POLG: variants seen among roughly 807,000 people sequenced by gnomAD.
POLG encodes DNA polymerase subunit gamma-1.
In POLG, 110 loss-of-function variants were observed where a neutral mutation model predicts 155.4. The observed-to-expected ratio is 0.71, with a 90% CI of 0.61 to 0.83. POLG has a LOEUF of 0.83. Among genes scored for constraint, POLG ranks in the 40% least tolerant of loss-of-function variants. The pLI is 0.00. For synonymous variants in POLG, 701 were observed against 631.5 expected, an observed-to-expected ratio of 1.11 and a Z score of -1.65; for missense variants, 1,685 against 1,627.5, an observed-to-expected ratio of 1.04 and a Z score of -0.61.
At position 89,318,696 on chromosome 15, in the gene POLG, T is replaced by G. The variant is rs2152058767; in HGVS notation, c.3327A>C (p.Leu1109Phe). 2 of 1,614,190 alleles carry G rather than the reference T, an allele frequency of 1.2e-6. No homozygotes were observed. Among genetic ancestry groups the G allele is most frequent in the Non-Finnish European group, 1.7e-6 (2 of 1,180,016 alleles). The change falls in exon 21 of 23, where the codon TTA becomes TTC. Residue 1109 changes from leucine (L) to phenylalanine (F), a missense_variant. Physicochemically the swap from Leu to Phe is conservative, Grantham distance 22. Around this residue, in one of 3 missense-constraint regions of POLG, gnomAD observed 470 missense variants for 439.9 expected, o/e 1.07. Coordinates refer to ENST00000268124, the MANE Select transcript of POLG (RefSeq NM_002693.3). Reference sequence around the variant, plus strand: ...ACTTCATGGCCACAAGCATGAGGTGTAAGTAGTCAACAGCAGAGCTCTGTA... The same window carrying G: ...ACTTCATGGCCACAAGCATGAGGTGGAAGTAGTCAACAGCAGAGCTCTGTA... Reference protein sequence around the residue: ...WVVQSSAVDYLHLMLVAMKWL... With the variant: ...WVVQSSAVDYFHLMLVAMKWL...
chr15:89,319,002 C>T lies in POLG; in HGVS notation c.3202G>A (p.Asp1068Asn), dbSNP rs762334425. The T allele has an allele frequency of 3.1e-6, 5 of 1,614,038 alleles. No individual in the cohort carries two copies. The highest frequency in any genetic ancestry group is 4.2e-6 in the Non-Finnish European group (5 of 1,180,038). ...CCCAGCACCGGGGTACGTGGTATGTCAGACGTAGCAATGCTCTCAAGCTTA... is the reference window on the plus strand; with the variant it reads ...CCCAGCACCGGGGTACGTGGTATGTTAGACGTAGCAATGCTCTCAAGCTTA... ...FNKLESIATSDIPRTPVLGCC... is the reference protein window; with the variant it reads ...FNKLESIATSNIPRTPVLGCC... Residue 1068 changes from aspartate to asparagine, a missense_variant, in exon 20 of 23, where the codon GAC becomes AAC. Physicochemically the swap from Asp to Asn is conservative, Grantham distance 23 (BLOSUM62 1). Transcript: ENST00000268124.
chr15:89,329,697 TTC>T (rs2055569778), intron 3 of POLG, among the ~76,000 whole-genome samples: 1 of 152,166 alleles, frequency 6.6e-6, no homozygotes, highest in South Asian at 2.1e-4. Flanking sequence ...CCTATGAGAT[TTC>T]TGTTATGTCT....
chr15:89,326,908 C>T lies in POLG; in HGVS notation c.1585+4G>A. 1 of 1,614,084 alleles carries T rather than the reference C, an allele frequency of 6.2e-7. No individual in the cohort carries two copies. Among genetic ancestry groups the T allele is most frequent in the Non-Finnish European group, 8.5e-7 (1 of 1,180,000 alleles). ...CTACCCTACCTCCCACCCATGCTCC[C>T]CACCTTCCTGATCCATGGGATCACC... On this transcript the variant is annotated splice_donor_region_variant and intron_variant, in intron 8 of 22. Transcript: ENST00000268124.
At chr15:89,327,377 T>C (rs772282616) in intron 6 of POLG, 28 bp from the exon 7 acceptor site, 35 of 1,609,142 alleles carry the variant, frequency 2.2e-5, no homozygotes, top group Non-Finnish European at 2.6e-5. Context: ...GGAGCTGCCA[T>C]AAATGACCAC....
chr15:89,333,446 G>C lies in POLG; in HGVS notation c.309C>G (p.Ser103Arg). The change falls in exon 2 of 23, where the codon AGC becomes AGG. Residue 103 changes from serine to arginine, a missense_variant. Physicochemically the swap from Ser to Arg is moderately radical, Grantham distance 110. Coordinates refer to ENST00000268124, the MANE Select transcript of POLG (RefSeq NM_002693.3). ...EMPGEAAVRRSVEHLQKHGLW... is the reference protein window; with the variant it reads ...EMPGEAAVRRRVEHLQKHGLW... Reference sequence around the variant, plus strand: ...GCCCGTGCTTCTGCAGGTGCTCGACGCTGCGGCGCACCGCGGCCTCGCCAG... The same window carrying C: ...GCCCGTGCTTCTGCAGGTGCTCGACCCTGCGGCGCACCGCGGCCTCGCCAG... 1 of 1,610,116 alleles carries C rather than the reference G, an allele frequency of 6.2e-7. No individual in the cohort carries two copies. Among genetic ancestry groups the C allele is most frequent in the Non-Finnish European group, 8.5e-7 (1 of 1,179,682 alleles).
rs376322125 is a variant in POLG at position 89,329,889 on chromosome 15, C to T, written c.855+192G>A. ...ACTTTGTGACAACTTAGGTCCTATACCAGGCTTTCCCGGGGACATACAACA... is the reference window on the plus strand; with the variant it reads ...ACTTTGTGACAACTTAGGTCCTATATCAGGCTTTCCCGGGGACATACAACA... On this transcript the variant is annotated intron_variant, in intron 3 of 22. Coordinates refer to ENST00000268124, the MANE Select transcript of POLG (RefSeq NM_002693.3). Among the ~76,000 whole-genome samples the T allele has an allele frequency of 1.1e-4, 17 of 152,272 alleles. No individual in the cohort carries two copies. In the East Asian group the frequency reaches 2.9e-3, roughly 26 times the overall value.
chr15:89,325,045 T>TGAGAGAGTGAGA (rs1266416756), intron 10 of POLG, among the ~76,000 whole-genome samples: 1 of 114,630 alleles, frequency 8.7e-6, no homozygotes, highest in African/African-American at 5.7e-5. Flanking sequence ...AGAGAGTGAG[T>TGAGAGAGTGAGA]GAGTGAGTGA....
chr15:89,325,762 T>A (rs1596357223), intron 9 of POLG, 76 bp from the exon 10 acceptor site: 2 of 1,140,712 alleles, frequency 1.8e-6, no homozygotes, highest in East Asian at 4.7e-5. Flanking sequence ...TCTCTCACAA[T>A]GTCCCCACCC....
Position 89,318,667 on chromosome 15 carries a change from A to G in POLG, c.3356T>C (p.Leu1119Pro), listed in dbSNP as rs2152058721. ...LHLMLVAMKW[L>P]FEEFAIDGRF... ...CCCATCTATGGCAAACTCTTCAAAC[A>G]GCCACTTCATGGCCACAAGCATGAG... Residue 1119 changes from leucine to proline, a missense_variant, in exon 21 of 23, where the codon CTG becomes CCG. This residue lies in a region of POLG where 470 missense variants were observed against 439.9 expected (regional missense o/e 1.07). Transcript: ENST00000268124. The G allele has an allele frequency of 1.2e-6, 2 of 1,614,234 alleles. No homozygotes were observed. The highest frequency in any genetic ancestry group is 2.2e-5 in the East Asian group (1 of 44,894).
At chr15:89,322,066 T>G in intron 14 of POLG, 51 bp from the exon 15 acceptor site, 2 of 1,550,936 alleles carry the variant, frequency 1.3e-6, no homozygotes, top group Non-Finnish European at 1.8e-6. Context: ...AAGCAGAATC[T>G]ATCCCACATC....
At position 89,329,028 on chromosome 15, in the gene POLG, A is replaced by C. The variant is rs1423970224; in HGVS notation, c.938T>G (p.Ile313Arg). 1 of 1,613,340 alleles carries C rather than the reference A, an allele frequency of 6.2e-7. No individual in the cohort carries two copies. Among genetic ancestry groups the C allele is most frequent in the Non-Finnish European group, 8.5e-7 (1 of 1,180,022 alleles). ...CTTGTGTTTGCCCTGCTTGGCTGCTATCCACAGACTGCGCTGGAAGCTGCT... is the reference window on the plus strand; with the variant it reads ...CTTGTGTTTGCCCTGCTTGGCTGCTCTCCACAGACTGCGCTGGAAGCTGCT... Reference protein sequence around the residue: ...GLSSFQRSLWIAAKQGKHKVQ... With the variant: ...GLSSFQRSLWRAAKQGKHKVQ... Residue 313 changes from isoleucine to arginine, a missense_variant, in exon 4 of 23, where the codon ATA (isoleucine) becomes AGA (arginine). By Grantham distance (97) the Ile-to-Arg change is moderately conservative (BLOSUM62 -3). Transcript: ENST00000268124.
In POLG at chr15:89,317,422, G is replaced by A. The variant is rs2307443; in HGVS notation, c.3597C>T (p.Thr1199=). The change falls in exon 22 of 23, where the codon ACC becomes ACT. Residue 1199 remains threonine (T), a synonymous_variant. Coordinates refer to ENST00000268124, the MANE Select transcript of POLG (RefSeq NM_002693.3). ...LRKEVTMDCK[T]PSNPTGMERR... is the part of the protein sequence containing the mutation. Reference sequence around the variant, plus strand: ...TTTCCATCCCAGTTGGGTTGGAAGGGGTTTTACAATCCATGGTCACTTCCT... The same window carrying A: ...TTTCCATCCCAGTTGGGTTGGAAGGAGTTTTACAATCCATGGTCACTTCCT... 4 of 1,614,044 alleles carry A rather than the reference G, an allele frequency of 2.5e-6. No homozygotes were observed. In the Admixed American group the frequency reaches 6.7e-5, roughly 27 times the overall value.
intron 16 of POLG, 74 bp downstream of exon 16, chr15:89,321,661 TA>T: frequency 9.4e-7 from 1 of 1,064,474 alleles, no homozygotes; most frequent in Non-Finnish European, 1.5e-6. Flanking sequence ...ACTAAATACC[TA>T]AAGGCCCTCA....
At chr15:89,320,032 C>A (rs1056240295) in intron 18 of POLG, among the ~76,000 whole-genome samples, 2 of 152,242 alleles carry the variant, frequency 1.3e-5, no homozygotes, top group South Asian at 4.1e-4. Flanking sequence ...ACGCTGCTCA[C>A]GGTATGAGCC....
intron 9 of POLG, among the ~76,000 whole-genome samples, 175 bp downstream of exon 9, chr15:89,326,437 G>T (rs2055518443): frequency 6.6e-6 from 1 of 152,236 alleles, no homozygotes; most frequent in Admixed American, 6.5e-5. Flanking sequence ...AGTCCAGTGA[G>T]CCGGTCCAGA....
intron 11 of POLG, 33 bp from the exon 12 acceptor site, chr15:89,323,934 A>C: frequency 6.4e-7 from 1 of 1,574,538 alleles, no homozygotes; most frequent in South Asian, 1.1e-5. Context: ...GTAGTGAAGC[A>C]GGGGACTGGG....
chr15:89,326,554 C>T, intron 9 of POLG, 58 bp downstream of exon 9: 1 of 1,597,696 alleles, frequency 6.3e-7, no homozygotes, highest in African/African-American at 1.3e-5. Flanking sequence ...CCAGGGCTGT[C>T]CTGAGAATGG....
chr15:89,316,591 C>T lies in POLG; in HGVS notation c.*160G>A. The T allele has an allele frequency of 2.7e-6, 3 of 1,109,856 alleles. No homozygotes were observed. In the South Asian group the frequency reaches 3.9e-5, roughly 15 times the overall value. The allele number at this position is 1,109,856 out of a possible 1,614,324, so 68.8% of individuals were successfully genotyped here. A position where few individuals can be genotyped will look rare whatever the true frequency, so the allele number is the denominator to read the frequency against. On this transcript the variant is annotated 3_prime_UTR_variant, in exon 23 of 23. Coordinates refer to ENST00000268124, the MANE Select transcript of POLG (RefSeq NM_002693.3). The stretch of plus-strand genomic sequence containing the variant: ...TCTGAACCCACTGAATTCAACTGCA[C>T]CTTCAGTTAGAAGGAATCTTCTTGG...
rs2152050954 is a variant in POLG, at chr15:89,316,631, G to A, written c.*120C>T. ...AATCTTCTTGGCAGGTCCTGCTACT[G>A]AAAAATGGCTGGCCTTAGGCAAGCC... On this transcript the variant is annotated 3_prime_UTR_variant, in exon 23 of 23. Transcript: ENST00000268124. 1 of 1,151,100 alleles carries A rather than the reference G, an allele frequency of 8.7e-7. No homozygotes were observed. Among genetic ancestry groups the A allele is most frequent in the Non-Finnish European group, 1.3e-6 (1 of 768,220 alleles). 71.3% of individuals were successfully genotyped at this position (1,151,100 alleles called of 1,614,324 possible).
Sources: allele counts gnomAD v4.1 joint callset (sites outside exome capture counted in the v4.1 genomes callset), GRCh38; gene constraint gnomAD v4.1.1; regional missense constraint gnomAD v4.1.1; transcripts MANE v1.5; gene names NCBI Gene and HGNC (gene_info 2026-07-23, HGNC 2026-07-21).